Variants in USP6NL observed in about 807,000 individuals in gnomAD.
USP6NL encodes USP6 N-terminal like.
USP6NL carries 26 observed loss-of-function variants against 61.9 expected under a neutral mutation model. That is an observed-to-expected ratio of 0.42 (90% CI 0.31 to 0.58). The LOEUF (loss-of-function observed/expected upper bound fraction) is 0.58, where lower values mean the gene tolerates loss of function less well. Among genes scored for constraint, USP6NL ranks in the 20% least tolerant of loss-of-function variants. The pLI, the probability that USP6NL is intolerant of heterozygous loss-of-function variation, is 0.16. For missense variants in USP6NL, 1,114 were observed against 1,034.3 expected (o/e 1.08, Z -1.06); for synonymous variants, 432 against 390.1 (o/e 1.11, Z -1.27).
intron 14 of USP6NL, among the ~76,000 whole-genome samples, chr10:11,469,629 G>C (rs1832644022): frequency 6.6e-6 from 1 of 152,192 alleles, no homozygotes; most frequent in African/African-American, 2.4e-5. Context: ...AAAGGCAGGA[G>C]ACAGGGATAT....
intron 7 of USP6NL, among the ~76,000 whole-genome samples, chr10:11,500,647 CT>C (rs966524714): frequency 2.6e-5 from 4 of 152,044 alleles, no homozygotes; most frequent in East Asian, 1.9e-4. Flanking sequence ...GCAAAGTCAT[CT>C]TTTTTTTCAT....
chr10:11,556,617 TGATAACACTGTACTTATCTCGGACAAA>T (rs1233066789), intron 2 of USP6NL, among the ~76,000 whole-genome samples: 18 of 152,290 alleles, frequency 1.2e-4, no homozygotes, highest in African/African-American at 4.3e-4. Context: ...TAAAGAAATC[TGATAACACTGTACTTATCTCGGACAAA>T]GCCGACTTAG....
chr10:11,466,882 T>G (rs553390042), intron 14 of USP6NL, among the ~76,000 whole-genome samples: 21 of 152,334 alleles, frequency 1.4e-4, no homozygotes, highest in Non-Finnish European at 2.9e-4. Context: ...AATGGGACAG[T>G]GAAAATACGC....
In USP6NL at chr10:11,597,530, G is replaced by T; in HGVS notation, c.4+101C>A. On this transcript the variant is annotated intron_variant, in intron 2 of 14. Coordinates refer to ENST00000609104, the MANE Select transcript of USP6NL (RefSeq NM_014688.5). The surrounding 1 kb of genome is among the most constrained non-coding windows in gnomAD (Gnocchi z 4.6). ...AACCACATTCAAACTCTGAATAAGT[G>T]ACATAATTCCAATTTATTCAGTAAC... 1 of 1,235,172 alleles carries T rather than the reference G, an allele frequency of 8.1e-7. No individual in the cohort carries two copies. Among genetic ancestry groups the T allele is most frequent in the Non-Finnish European group, 1.2e-6 (1 of 858,716 alleles). The allele number at this position is 1,235,172 out of a possible 1,614,324, so 76.5% of individuals were successfully genotyped here.
At chr10:11,467,923 G>C (rs988173057) in intron 14 of USP6NL, among the ~76,000 whole-genome samples, 1 of 152,168 alleles carries the variant, frequency 6.6e-6, no homozygotes, top group Non-Finnish European at 1.5e-5. Flanking sequence ...TGCAGTTTTG[G>C]TGTATGACTT....
In USP6NL at chr10:11,555,415, T is replaced by TAAAAAAAAAAAA. The variant is rs558901276; in HGVS notation, c.5-27860_5-27849dup. Among the ~76,000 whole-genome samples, 23 of 26,864 alleles carry TAAAAAAAAAAAA rather than the reference T, an allele frequency of 8.6e-4. 1 individual carries two copies. Among genetic ancestry groups the TAAAAAAAAAAAA allele is most frequent in the Admixed American group, 1.2e-3 (2 of 1,616 alleles). 17.6% of individuals were successfully genotyped at this position (26,864 alleles called of 152,430 possible). A position where few individuals can be genotyped will look rare whatever the true frequency, so the allele number is the denominator to read the frequency against. ...GGGCAACAAGAGTGAAACTCGGTCT[T>TAAAAAAAAAAAA]AAAAAAAAAAAAAAAAAAATATATA... On this transcript the variant is annotated intron_variant, in intron 2 of 14. Coordinates refer to ENST00000609104, the MANE Select transcript of USP6NL (RefSeq NM_014688.5).
In USP6NL at chr10:11,468,884, G is replaced by A. The variant is rs576752052; in HGVS notation, c.1079-5035C>T. Among the ~76,000 whole-genome samples the A allele has an allele frequency of 3.1e-4, 47 of 152,284 alleles. No individual in the cohort carries two copies. The South Asian group carries it at 9.5e-3, about 31-fold the overall frequency. Reference sequence around the variant, plus strand: ...GAGAAGTAATGGAAGGACTGAGGTGGTAATTTCAGGCACAAAACAAAATGC... The same window carrying A: ...GAGAAGTAATGGAAGGACTGAGGTGATAATTTCAGGCACAAAACAAAATGC... On this transcript the variant is annotated intron_variant, in intron 14 of 14. Coordinates refer to ENST00000609104, the MANE Select transcript of USP6NL (RefSeq NM_014688.5). This position sits in a 1 kb window ranked among gnomAD's most constrained non-coding sequence, Gnocchi z 4.5.
At chr10:11,524,312 ACTT>A (rs1273192197) in intron 4 of USP6NL, among the ~76,000 whole-genome samples, 1 of 152,164 alleles carries the variant, frequency 6.6e-6, no homozygotes, top group Non-Finnish European at 1.5e-5. Context: ...TTTGTCCAGA[ACTT>A]TATAAAGTAT....
chr10:11,556,923 C>A (rs1836728718), intron 2 of USP6NL, among the ~76,000 whole-genome samples: 1 of 152,140 alleles, frequency 6.6e-6, no homozygotes, highest in African/African-American at 2.4e-5. Flanking sequence ...TTCAAGGGTA[C>A]CAGCCAACTG....
rs1426018047 is a variant in USP6NL at position 11,532,572 on chromosome 10, C to T, written c.5-5005G>A. On this transcript the variant is annotated intron_variant, in intron 2 of 14. Coordinates refer to ENST00000609104, the MANE Select transcript of USP6NL (RefSeq NM_014688.5). The surrounding 1 kb of genome is among the most constrained non-coding windows in gnomAD (Gnocchi z 4.1). ...CAGCATTCCATCCGCTAACAAACAG[C>T]GGCTTGAAAGAAGCAGCTTCATAAT... Among the ~76,000 whole-genome samples, 4 of 152,178 alleles carry T rather than the reference C, an allele frequency of 2.6e-5. No homozygotes were observed. In the East Asian group the frequency reaches 5.8e-4, roughly 22 times the overall value.
In USP6NL at chr10:11,500,660, C is replaced by A. The variant is rs189422424; in HGVS notation, c.384+441G>T. On this transcript the variant is annotated intron_variant, in intron 7 of 14. Transcript: ENST00000609104. ...GGGCAAAGTCATCTTTTTTTTCATG[C>A]TAGAAGAAAAGAATCATACACAGCA... Among the ~76,000 whole-genome samples, 3 of 151,996 alleles carry A rather than the reference C, an allele frequency of 2.0e-5. No individual in the cohort carries two copies. In the East Asian group the frequency reaches 5.8e-4, roughly 29 times the overall value.
chr10:11,510,610 T>C lies in USP6NL; in HGVS notation c.196-935A>G, dbSNP rs941386596. Among the ~76,000 whole-genome samples, 5 of 150,440 alleles carry C rather than the reference T, an allele frequency of 3.3e-5. No individual in the cohort carries two copies. The highest frequency in any genetic ancestry group is 7.4e-5 in the Non-Finnish European group (5 of 67,756). On this transcript the variant is annotated intron_variant, in intron 5 of 14. Transcript: ENST00000609104. This position sits in a 1 kb window ranked among gnomAD's most constrained non-coding sequence, Gnocchi z 4.8. ...CTTGTTTGGTTTCCAGGAGAAGGAATATTTTTTCCTAAGTACCTGGGCCCA... is the reference window on the plus strand; with the variant it reads ...CTTGTTTGGTTTCCAGGAGAAGGAACATTTTTTCCTAAGTACCTGGGCCCA...
Position 11,463,870 on chromosome 10 carries a change from T to C in USP6NL, c.1079-21A>G. On this transcript the variant is annotated intron_variant, in intron 14 of 14. Transcript: ENST00000609104. This position sits in a 1 kb window ranked among gnomAD's most constrained non-coding sequence, Gnocchi z 6.3. ...TTTACCTGAAAAGAAAGAGAAAGGC[T>C]AAGTAAGATAATACACGAGTAAACA... 3 of 1,455,706 alleles carry C rather than the reference T, an allele frequency of 2.1e-6. No homozygotes were observed. In the South Asian group the frequency reaches 4.4e-5, roughly 22 times the overall value. The allele number at this position is 1,455,706 out of a possible 1,614,324, so 90.2% of individuals were successfully genotyped here.
At chr10:11,582,822 T>C (rs1247164336) in intron 2 of USP6NL, among the ~76,000 whole-genome samples, 1 of 151,786 alleles carries the variant, frequency 6.6e-6, no homozygotes, top group East Asian at 1.9e-4. Flanking sequence ...AATAAAAATA[T>C]ATTATTCCAA....
intron 2 of USP6NL, among the ~76,000 whole-genome samples, chr10:11,547,741 C>T (rs565937329): frequency 2.0e-5 from 3 of 152,068 alleles, no homozygotes; most frequent in Admixed American, 1.3e-4. Context: ...GGGGTGTCAC[C>T]GTGTTATCCA....
chr10:11,467,810 A>G (rs1312484267), intron 14 of USP6NL, among the ~76,000 whole-genome samples: 2 of 152,220 alleles, frequency 1.3e-5, no homozygotes, highest in African/African-American at 4.8e-5. Flanking sequence ...TTCCTTAAGT[A>G]CTACATATTT....
chr10:11,563,971 C>T (rs1250455397), intron 2 of USP6NL: 1 of 152,200 alleles, frequency 6.6e-6, no homozygotes, highest in African/African-American at 2.4e-5. Context: ...AATAAAACTT[C>T]AGGGAATATT....
chr10:11,480,140 C>T (rs1833137575), intron 14 of USP6NL, among the ~76,000 whole-genome samples: 1 of 152,176 alleles, frequency 6.6e-6, no homozygotes, highest in African/African-American at 2.4e-5. Flanking sequence ...TCTATCATTT[C>T]CTGGTAAAAC....
chr10:11,534,829 T>C (rs968254936), intron 2 of USP6NL, among the ~76,000 whole-genome samples: 17 of 152,334 alleles, frequency 1.1e-4, no homozygotes, highest in African/African-American at 3.1e-4. Context: ...AAGAACTGCA[T>C]TGGCTATTAA....
Sources: allele counts gnomAD v4.1 joint callset (sites outside exome capture counted in the v4.1 genomes callset), GRCh38; gene constraint gnomAD v4.1.1; non-coding constraint Gnocchi (gnomAD v3.1); transcripts MANE v1.5; gene names NCBI Gene and HGNC (gene_info 2026-07-23, HGNC 2026-07-21).